The following IMMP2L variants were observed in gnomAD, a reference collection of about 807,000 sequenced individuals.
IMMP2L encodes the protein inner mitochondrial membrane peptidase subunit 2.
Under a neutral mutation model 19.3 loss-of-function variants are expected in IMMP2L, and 18 were observed. The ratio of observed to expected loss-of-function variants is 0.93; its 90% CI spans 0.64 to 1.38. The LOEUF (loss-of-function observed/expected upper bound fraction) is 1.38, where lower values mean the gene tolerates loss of function less well. IMMP2L is among the 40% of genes most tolerant of loss of function. The probability of loss-of-function intolerance (pLI) is 0.00; values close to 1 mark genes in which losing one functional copy is unlikely to be tolerated. For missense variants in IMMP2L, 233 were observed against 218.2 expected (o/e 1.07, Z -0.43); for synonymous variants, 76 against 73.0 (o/e 1.04, Z -0.21).
chr7:111,232,077 A>G (rs1046735829), intron 3 of IMMP2L, among the ~76,000 whole-genome samples: 19 of 152,182 alleles, frequency 1.2e-4, no homozygotes, highest in African/African-American at 4.6e-4. Flanking sequence ...TGTGTACTAG[A>G]TTAATAAATA....
At chr7:111,372,087 C>G (rs1429486936) in intron 3 of IMMP2L, among the ~76,000 whole-genome samples, 1 of 152,008 alleles carries the variant, frequency 6.6e-6, no homozygotes, top group Non-Finnish European at 1.5e-5. Flanking sequence ...AACTGCCAGT[C>G]TGAGGTTCTG....
intron 4 of IMMP2L, among the ~76,000 whole-genome samples, chr7:110,930,930 CA>C (rs1815406700): frequency 6.6e-6 from 1 of 152,166 alleles, no homozygotes; most frequent in African/African-American, 2.4e-5. Context: ...TCCACATTAT[CA>C]ATATACAATG....
chr7:110,923,147 T>C (rs890309686), intron 4 of IMMP2L, among the ~76,000 whole-genome samples: 1 of 152,156 alleles, frequency 6.6e-6, no homozygotes, highest in Non-Finnish European at 1.5e-5. Flanking sequence ...AAAAAGAACA[T>C]GTAAACAGTG....
intron 3 of IMMP2L, among the ~76,000 whole-genome samples, chr7:111,161,736 T>C (rs1157261792): frequency 6.6e-6 from 1 of 151,980 alleles, no homozygotes; most frequent in African/African-American, 2.4e-5. Flanking sequence ...AATACCAATT[T>C]GCTCAAAATA....
intron 3 of IMMP2L, among the ~76,000 whole-genome samples, chr7:111,172,384 T>C (rs1806542937): frequency 2.0e-5 from 3 of 151,652 alleles, no homozygotes; most frequent in Admixed American, 1.3e-4. Flanking sequence ...AATAATTATA[T>C]ACATTCATGG....
intron 3 of IMMP2L, among the ~76,000 whole-genome samples, chr7:111,102,711 T>C (rs935349156): frequency 1.3e-5 from 2 of 151,530 alleles, no homozygotes; most frequent in Non-Finnish European, 3.0e-5. Context: ...AATAGAATAA[T>C]CCAGCTTCTT....
rs75143978 is a variant in IMMP2L at position 111,046,866 on chromosome 7, G to A, written c.240-83301C>T. On this transcript the variant is annotated intron_variant, in intron 3 of 5. Transcript: ENST00000405709. Reference sequence around the variant, plus strand: ...TCACGGAGCAATGACTGAGTACTCGGGCATTGGGCCAAGAGCGTACATCTA... The same window carrying A: ...TCACGGAGCAATGACTGAGTACTCGAGCATTGGGCCAAGAGCGTACATCTA... 8.7e-3 allele frequency among the ~76,000 whole-genome samples: 1,321 copies of A among 152,198 alleles called. 21 individuals carry two copies. The highest frequency in any genetic ancestry group is 0.029 in the African/African-American group (1,199 of 41,522).
At chr7:110,714,429 A>G (rs1308101651) in intron 5 of IMMP2L, among the ~76,000 whole-genome samples, 1 of 152,186 alleles carries the variant, frequency 6.6e-6, no homozygotes, top group East Asian at 1.9e-4. Flanking sequence ...GGTCTTTACC[A>G]GGTTTTGGTA....
chr7:111,527,655 C>T (rs144419692), intron 1 of IMMP2L, among the ~76,000 whole-genome samples: 2 of 152,118 alleles, frequency 1.3e-5, no homozygotes, highest in East Asian at 3.9e-4. Context: ...AAAGACCCAA[C>T]AGTGAGGGAG....
intron 4 of IMMP2L, among the ~76,000 whole-genome samples, chr7:110,938,585 T>C (rs1816367346): frequency 6.6e-6 from 1 of 152,160 alleles, no homozygotes. Flanking sequence ...TTGAATAAGG[T>C]AAGCACTGAC....
chr7:111,180,763 T>G (rs1360332308), intron 3 of IMMP2L, among the ~76,000 whole-genome samples: 1 of 152,072 alleles, frequency 6.6e-6, no homozygotes, highest in African/African-American at 2.4e-5. Flanking sequence ...CACGTATATA[T>G]TGACAAAGCC....
chr7:110,765,961 G>T (rs1798630546), intron 5 of IMMP2L, among the ~76,000 whole-genome samples: 1 of 152,116 alleles, frequency 6.6e-6, no homozygotes, highest in Admixed American at 6.5e-5. Context: ...AAATATACTT[G>T]ATTTGCAGTG....
chr7:111,006,169 T>C lies in IMMP2L; in HGVS notation c.240-42604A>G. Among the ~76,000 whole-genome samples the C allele has an allele frequency of 1.3e-5, 2 of 152,284 alleles. 1 individual carries two copies. The highest frequency in any genetic ancestry group is 4.1e-4 in the South Asian group (2 of 4,826). On this transcript the variant is annotated intron_variant, in intron 3 of 5. Transcript: ENST00000405709. ...AATTGTCACTGTCATCTTATAAATA[T>C]ATATCAGTGATGATACATAGATATG...
intron 4 of IMMP2L, among the ~76,000 whole-genome samples, chr7:110,910,208 G>A (rs1812908538): frequency 1.3e-5 from 2 of 152,060 alleles, no homozygotes; most frequent in Non-Finnish European, 2.9e-5. Flanking sequence ...GCAACAGAGA[G>A]CATTCACAGT....
chr7:110,951,054 A>G (rs973328087), intron 4 of IMMP2L, among the ~76,000 whole-genome samples: 3 of 151,562 alleles, frequency 2.0e-5, no homozygotes, highest in Admixed American at 2.0e-4. Flanking sequence ...TCCCACTTAC[A>G]TGAAGTATCT....
chr7:110,901,527 C>T (rs1172049508), intron 4 of IMMP2L, among the ~76,000 whole-genome samples: 2 of 152,110 alleles, frequency 1.3e-5, no homozygotes, highest in East Asian at 1.9e-4. Context: ...AACAGTGCTA[C>T]ACTTACTTTG....
Position 111,487,366 on chromosome 7 carries a change from C to A in IMMP2L, c.136-25G>T, listed in dbSNP as rs538489755. 82 of 1,293,818 alleles carry A rather than the reference C, an allele frequency of 6.3e-5. 1 individual carries two copies. The South Asian group carries it at 8.9e-4, about 14-fold the overall frequency. The allele number at this position is 1,293,818 out of a possible 1,614,324, so 80.1% of individuals were successfully genotyped here. A position where few individuals can be genotyped will look rare whatever the true frequency, so the allele number is the denominator to read the frequency against. On this transcript the variant is annotated intron_variant, in intron 2 of 5. Coordinates refer to ENST00000405709, the MANE Select transcript of IMMP2L (RefSeq NM_032549.4). ...GCTAGAAAATAAGGAGAAAGAGACA[C>A]TTCTATCATTTGTATTTTTCAATCT...
At chr7:111,484,835 G>A (rs1023723998) in intron 3 of IMMP2L, among the ~76,000 whole-genome samples, 1 of 152,146 alleles carries the variant, frequency 6.6e-6, no homozygotes, top group African/African-American at 2.4e-5. Context: ...CACCCAGGCT[G>A]GAGTGCAGTG....
intron 3 of IMMP2L, among the ~76,000 whole-genome samples, chr7:111,212,270 T>C (rs1811409391): frequency 2.0e-5 from 3 of 152,056 alleles, no homozygotes; most frequent in Admixed American, 2.0e-4. Flanking sequence ...TAATAGTTCA[T>C]AGATTTTCCT....
Sources: gnomAD v4.1 joint callset for allele counts (sites outside exome capture counted in the v4.1 genomes callset) on GRCh38, gnomAD v4.1.1 for gene constraint, MANE v1.5 for transcripts, NCBI Gene and HGNC (gene_info 2026-07-23, HGNC 2026-07-21) for gene names.